Variants in TRIO observed in about 807,000 individuals in gnomAD.
TRIO encodes triple functional domain protein.
Under a neutral mutation model 351.9 loss-of-function variants are expected in TRIO, and 58 were observed. That is an observed-to-expected ratio of 0.16 (90% confidence interval 0.13 to 0.21). The LOEUF is 0.21. Ranked by LOEUF, TRIO falls within the 10% of genes least tolerant of loss-of-function variation. The pLI is 1.00. For missense variants in TRIO, 3,201 were observed against 4,027.8 expected, an observed-to-expected ratio of 0.79 and a Z score of 5.56; for synonymous variants, 1,758 against 1,595.7, an observed-to-expected ratio of 1.10 and a Z score of -2.42.
chr5:14,201,255 C>T (rs1791089846), intron 1 of TRIO, among the ~76,000 whole-genome samples: 1 of 151,882 alleles, frequency 6.6e-6, no homozygotes, highest in Non-Finnish European at 1.5e-5. Context: ...AGCGAAACTC[C>T]ATCTCAAAAA....
chr5:14,330,054 T>G (rs946698990), intron 9 of TRIO, among the ~76,000 whole-genome samples: 2 of 152,188 alleles, frequency 1.3e-5, no homozygotes, highest in African/African-American at 4.8e-5. Context: ...TCAACTCTAG[T>G]TTGTTAGATA....
intron 1 of TRIO, among the ~76,000 whole-genome samples, chr5:14,209,887 C>T (rs1278245350): frequency 4.6e-5 from 7 of 152,226 alleles, no homozygotes; most frequent in African/African-American, 7.2e-5. Flanking sequence ...CACAGAGGGA[C>T]AGAGGCAGTG....
Position 14,143,807 on chromosome 5 carries a change from T to A in TRIO, c.82T>A (p.Cys28Ser). The A allele has an allele frequency of 9.5e-7, 1 of 1,052,982 alleles. No homozygotes were observed. The highest frequency in any genetic ancestry group is 1.1e-6 in the Non-Finnish European group (1 of 875,676). 65.2% of individuals were successfully genotyped at this position (1,052,982 alleles called of 1,614,324 possible). A position where few individuals can be genotyped will look rare whatever the true frequency, so the allele number is the denominator to read the frequency against. ...AAAASAAGSG[C>S]GGGAGEGAEE... ...GGCGGCCAGCGCGGCTGGCTCGGGCTGCGGGGGCGGTGCCGGCGAGGGGGC... is the reference window on the plus strand; with the variant it reads ...GGCGGCCAGCGCGGCTGGCTCGGGCAGCGGGGGCGGTGCCGGCGAGGGGGC... Residue 28 changes from cysteine to serine, a missense_variant, in exon 1 of 57, where the codon TGC becomes AGC. Physicochemically the swap from Cys to Ser is moderately radical, Grantham distance 112. Around this residue, in one of 19 missense-constraint regions of TRIO, gnomAD observed 109 missense variants for 134.6 expected, o/e 0.81. Transcript: ENST00000344204.
chr5:14,427,502 A>C (rs550861911), intron 34 of TRIO, among the ~76,000 whole-genome samples: 203 of 152,330 alleles, frequency 1.3e-3, no homozygotes, highest in African/African-American at 4.6e-3. Context: ...TTCCCTGCTC[A>C]GAATACAACC....
chr5:14,335,520 C>T (rs1173951509), intron 10 of TRIO, among the ~76,000 whole-genome samples: 1 of 152,224 alleles, frequency 6.6e-6, no homozygotes, highest in African/African-American at 2.4e-5. Context: ...CATCAGGGCT[C>T]TCGCATGCCT....
At chr5:14,225,844 G>A (rs1309232691) in intron 1 of TRIO, among the ~76,000 whole-genome samples, 1 of 122,596 alleles carries the variant, frequency 8.2e-6, no homozygotes, top group Non-Finnish European at 1.6e-5. Context: ...GCATAACAAC[G>A]GGGGTGGGCA....
chr5:14,372,026 CTT>C (rs982838308), intron 18 of TRIO, among the ~76,000 whole-genome samples: 2 of 152,090 alleles, frequency 1.3e-5, no homozygotes, highest in African/African-American at 4.8e-5. Flanking sequence ...TTTTGAATCA[CTT>C]TTAATCTAAA....
intron 6 of TRIO, among the ~76,000 whole-genome samples, chr5:14,295,536 G>A (rs1193808227): frequency 6.6e-6 from 1 of 152,232 alleles, no homozygotes; most frequent in African/African-American, 2.4e-5. Flanking sequence ...TGTCACAATA[G>A]AGCCACCCAA....
intron 10 of TRIO, among the ~76,000 whole-genome samples, chr5:14,333,567 T>C (rs1301322656): frequency 6.6e-6 from 1 of 152,212 alleles, no homozygotes; most frequent in Admixed American, 6.5e-5. Flanking sequence ...GCAAATATAA[T>C]GAAAGTATTT....
intron 1 of TRIO, among the ~76,000 whole-genome samples, chr5:14,155,298 C>G (rs769424126): frequency 6.6e-6 from 1 of 152,164 alleles, no homozygotes; most frequent in East Asian, 1.9e-4. Flanking sequence ...GAGTAGGTTA[C>G]AAATATGATG....
At position 14,437,594 on chromosome 5, in the gene TRIO, C is replaced by G. The variant is rs568289219; in HGVS notation, c.5203+17573C>G. ...GTAGGTTTCTCCTGAGGCCTCTCTT[C>G]TTGGCTTGCAGAGGCAAGAACTTTC... On this transcript the variant is annotated intron_variant, in intron 34 of 56. Transcript: ENST00000344204. Among the ~76,000 whole-genome samples the G allele has an allele frequency of 2.0e-4, 31 of 151,456 alleles. 1 individual carries two copies. In the South Asian group the frequency reaches 6.5e-3, roughly 32 times the overall value.
At chr5:14,157,037 A>G (rs1279810652) in intron 1 of TRIO, among the ~76,000 whole-genome samples, 1 of 152,220 alleles carries the variant, frequency 6.6e-6, no homozygotes, top group Admixed American at 6.5e-5. Flanking sequence ...GAGAAGAAAT[A>G]AAAAGGAAAG....
At chr5:14,263,367 G>A (rs1795471887) in intron 1 of TRIO, among the ~76,000 whole-genome samples, 1 of 151,768 alleles carries the variant, frequency 6.6e-6, no homozygotes, top group Non-Finnish European at 1.5e-5. Flanking sequence ...AGTTCCTTAT[G>A]TAGTAATCAA....
intron 18 of TRIO, among the ~76,000 whole-genome samples, chr5:14,370,661 G>A (rs1322923779): frequency 6.6e-6 from 1 of 152,162 alleles, no homozygotes. Flanking sequence ...TCCCACCACA[G>A]TGATTTTCTT....
chr5:14,405,171 T>C (rs1748593645), intron 31 of TRIO, among the ~76,000 whole-genome samples: 1 of 152,046 alleles, frequency 6.6e-6, no homozygotes, highest in Non-Finnish European at 1.5e-5. Context: ...TCTGTGTGGT[T>C]CTCAGAGGAC....
At chr5:14,442,604 G>T (rs1403623147) in intron 34 of TRIO, among the ~76,000 whole-genome samples, 2 of 152,110 alleles carry the variant, frequency 1.3e-5, no homozygotes, top group Admixed American at 6.6e-5. Flanking sequence ...GGCTCTTTTT[G>T]TCATATTTAT....
chr5:14,397,054 G>C lies in TRIO; in HGVS notation c.4323G>C (p.Thr1441=), dbSNP rs557039091. 1 of 1,604,962 alleles carries C rather than the reference G, an allele frequency of 6.2e-7. No individual in the cohort carries two copies. The highest frequency in any genetic ancestry group is 8.5e-7 in the Non-Finnish European group (1 of 1,176,698). ...GTTTATCTTTGCAGGAGCTGCTGAC[G>C]TGCTGTGAGGAAGGAAAGGGAGAGA... ...KYQLLLKELL[T]CCEEGKGEIK... The change falls in exon 29 of 57, where the codon ACG becomes ACC. Residue 1441 remains threonine (T), a synonymous_variant. Transcript: ENST00000344204.
chr5:14,270,816 G>C lies in TRIO; in HGVS notation c.158-9G>C. The C allele has an allele frequency of 6.2e-7, 1 of 1,612,438 alleles. No homozygotes were observed. The highest frequency in any genetic ancestry group is 8.5e-7 in the Non-Finnish European group (1 of 1,178,704). On this transcript the variant is annotated splice_polypyrimidine_tract_variant and intron_variant, in intron 1 of 56. Transcript: ENST00000344204. ...CCCAGTAATTTTATTTTCTCCTTCT[G>C]TATTTCAGGGTTTCGAAAAAACGAT... is the stretch of plus-strand genomic sequence containing the variant.
intron 1 of TRIO, chr5:14,183,914 T>A: frequency 1.4e-6 from 1 of 695,710 alleles, no homozygotes; most frequent in Non-Finnish European, 2.6e-6. Context: ...GTGGTAACCG[T>A]TTTTTAAAAA....
Sources: allele counts gnomAD v4.1 joint callset (sites outside exome capture counted in the v4.1 genomes callset), GRCh38; gene constraint gnomAD v4.1.1; regional missense constraint gnomAD v4.1.1; transcripts MANE v1.5; gene names NCBI Gene and HGNC (gene_info 2026-07-23, HGNC 2026-07-21).